ELF1: variants seen among roughly 807,000 people sequenced by gnomAD.
The protein encoded by ELF1 is ETS-related transcription factor Elf-1.
Under a neutral mutation model 59.9 loss-of-function variants are expected in ELF1, and 24 were observed. The observed-to-expected ratio is 0.40, with a 90% confidence interval of 0.29 to 0.56. The LOEUF is 0.56. Among genes scored for constraint, ELF1 ranks in the 20% least tolerant of loss-of-function variants. The pLI is 0.44. For synonymous variants in ELF1, 248 were observed against 266.2 expected (o/e 0.93, Z 0.67); for missense variants, 627 against 742.2 (o/e 0.84, Z 1.80).
At chr13:40,988,607 A>G (rs1873678929) in intron 1 of ELF1, among the ~76,000 whole-genome samples, 1 of 152,134 alleles carries the variant, frequency 6.6e-6, no homozygotes, top group Admixed American at 6.5e-5. Context: ...AGATTTCCCT[A>G]TTTACTACTT....
rs777843384 is a variant in ELF1 at position 40,942,963 on chromosome 13, T to C, written c.795A>G (p.Gly265=). ...NKPDMNYETM[G]RALRYYYQRG... The stretch of plus-strand genomic sequence containing the variant: ...AAAACTTCGCATACCTGAGTGCTCT[T>C]CCCATGGTCTCATAATTCATATCAG... The change falls in exon 7 of 9, where the codon GGA becomes GGG. Residue 265 remains glycine (G), a synonymous_variant. Transcript: ENST00000239882. 4 of 1,595,048 alleles carry C rather than the reference T, an allele frequency of 2.5e-6. No individual in the cohort carries two copies. The highest frequency in any genetic ancestry group is 3.4e-6 in the Non-Finnish European group (4 of 1,169,728).
At chr13:41,009,822 A>G (rs1471967151) in intron 1 of ELF1, among the ~76,000 whole-genome samples, 1 of 152,012 alleles carries the variant, frequency 6.6e-6, no homozygotes, top group African/African-American at 2.4e-5. Context: ...TTAAACTTCA[A>G]TTTAATAATG....
At chr13:40,940,349 T>A (rs1480626705) in intron 8 of ELF1, among the ~76,000 whole-genome samples, 1 of 138,470 alleles carries the variant, frequency 7.2e-6, no homozygotes, top group African/African-American at 2.9e-5. Context: ...TTGTTTAGCA[T>A]CTCATCCTGG....
intron 2 of ELF1, among the ~76,000 whole-genome samples, 174 bp downstream of exon 2, chr13:40,981,809 C>T (rs929733083): frequency 6.6e-6 from 1 of 152,110 alleles, no homozygotes; most frequent in Non-Finnish European, 1.5e-5. Context: ...ACTTATTCTT[C>T]ATGAATTAAC....
chr13:40,958,178 T>C (rs1351843564), intron 3 of ELF1, among the ~76,000 whole-genome samples: 3 of 152,252 alleles, frequency 2.0e-5, no homozygotes, highest in Non-Finnish European at 2.9e-5. Flanking sequence ...GTATTATTAC[T>C]ACAATCTCAC....
intron 1 of ELF1, among the ~76,000 whole-genome samples, chr13:41,013,051 T>C (rs566676546): frequency 6.4e-4 from 98 of 152,214 alleles, no homozygotes; most frequent in Non-Finnish European, 1.3e-3. Context: ...GTTTCAGGGG[T>C]CAAATATATT....
intron 1 of ELF1, among the ~76,000 whole-genome samples, chr13:41,043,057 A>G (rs1270575191): frequency 1.3e-5 from 2 of 152,224 alleles, no homozygotes; most frequent in Non-Finnish European, 2.9e-5. Flanking sequence ...ATGGCCAGTG[A>G]TGATGAGCAT....
At chr13:40,950,334 AAAAC>A (rs1419581480) in intron 4 of ELF1, among the ~76,000 whole-genome samples, 2 of 152,192 alleles carry the variant, frequency 1.3e-5, no homozygotes, top group African/African-American at 2.4e-5. Flanking sequence ...GGAAAAACAA[AAAAC>A]AAACAAAAAA....
At chr13:40,969,569 A>C (rs1872399196) in intron 2 of ELF1, among the ~76,000 whole-genome samples, 1 of 152,222 alleles carries the variant, frequency 6.6e-6, no homozygotes, top group African/African-American at 2.4e-5. Context: ...TTAATTATTA[A>C]ACAGCACATA....
intron 1 of ELF1, among the ~76,000 whole-genome samples, chr13:41,054,745 C>T (rs1263174313): frequency 6.6e-6 from 1 of 152,152 alleles, no homozygotes; most frequent in African/African-American, 2.4e-5. Flanking sequence ...TGACCTTTGT[C>T]AAGGCCTAAT....
At chr13:41,040,076 G>A (rs886937618) in intron 1 of ELF1, among the ~76,000 whole-genome samples, 3 of 152,156 alleles carry the variant, frequency 2.0e-5, no homozygotes, top group African/African-American at 7.2e-5. Context: ...AGTCCAAAGA[G>A]TATCATTCCA....
At chr13:41,060,909 G>A (rs1877552978) in exon 1 of ELF1, 2 of 280,206 alleles carry the variant, frequency 7.1e-6, no homozygotes, top group Non-Finnish European at 1.4e-5. Flanking sequence ...TACTGAAGCT[G>A]CTGCTGCCGC....
chr13:40,971,439 C>T (rs1012382835), intron 2 of ELF1, among the ~76,000 whole-genome samples: 3 of 152,022 alleles, frequency 2.0e-5, no homozygotes, highest in African/African-American at 7.2e-5. Flanking sequence ...TTAATAGAAA[C>T]GGGGTCTCCC....
chr13:40,992,752 C>T (rs185446113), intron 1 of ELF1: 1 of 265,318 alleles, frequency 3.8e-6, no homozygotes, highest in East Asian at 9.6e-5. Context: ...TCTTGAACAT[C>T]CCCTGGAATT....
chr13:41,051,216 A>AG (rs1279255726), intron 1 of ELF1, among the ~76,000 whole-genome samples: 2 of 151,962 alleles, frequency 1.3e-5, no homozygotes, highest in African/African-American at 2.4e-5. Context: ...ATAAAAACAA[A>AG]GGGAAAAAAA....
At chr13:40,950,045 T>C in intron 4 of ELF1, 72 bp from the exon 5 acceptor site, 1 of 1,310,382 alleles carries the variant, frequency 7.6e-7, no homozygotes, top group Non-Finnish European at 1.0e-6. Context: ...AGAAAATTTC[T>C]TGTTTCTATT....
At chr13:41,024,572 T>C (rs1875816289) in intron 1 of ELF1, among the ~76,000 whole-genome samples, 1 of 152,176 alleles carries the variant, frequency 6.6e-6, no homozygotes, top group South Asian at 2.1e-4. Flanking sequence ...AGGCAGGGTT[T>C]TGCCATGTTG....
At chr13:40,934,811 A>G (rs1252128844) in intron 8 of ELF1, among the ~76,000 whole-genome samples, 2 of 152,218 alleles carry the variant, frequency 1.3e-5, no homozygotes, top group Non-Finnish European at 2.9e-5. Context: ...CTGTTTTTAC[A>G]TATAAAGGGA....
intron 1 of ELF1, among the ~76,000 whole-genome samples, chr13:40,999,150 A>G (rs567447909): frequency 5.9e-5 from 9 of 152,236 alleles, no homozygotes; most frequent in African/African-American, 2.2e-4. Flanking sequence ...TAGGCTCAGC[A>G]CTGTGGAAAA....
Sources: gnomAD v4.1 joint callset for allele counts (sites outside exome capture counted in the v4.1 genomes callset) on GRCh38, gnomAD v4.1.1 for gene constraint, MANE v1.5 for transcripts, NCBI Gene and HGNC (gene_info 2026-07-23, HGNC 2026-07-21) for gene names.